The following PHACTR1 variants were observed in gnomAD, a reference collection of about 807,000 sequenced individuals.
PHACTR1 encodes the protein phosphatase and actin regulator 1.
PHACTR1 carries 16 observed loss-of-function variants against 69.2 expected under a neutral mutation model. That is an observed-to-expected ratio of 0.23 (90% CI 0.16 to 0.35). The LOEUF (loss-of-function observed/expected upper bound fraction) is 0.35, where lower values mean the gene tolerates loss of function less well. PHACTR1 is among the 10% of genes least tolerant of loss of function. The pLI is 1.00. For synonymous variants in PHACTR1, 312 were observed against 284.5 expected (o/e 1.10, Z -0.97); for missense variants, 510 against 734.7 (o/e 0.69, Z 3.54).
chr6:13,077,972 G>A (rs1269484210), intron 5 of PHACTR1, among the ~76,000 whole-genome samples: 1 of 152,098 alleles, frequency 6.6e-6, no homozygotes, highest in Non-Finnish European at 1.5e-5. Flanking sequence ...AAAAGAAGGG[G>A]AATCTGCTTA....
chr6:13,075,896 T>G (rs756805770), intron 5 of PHACTR1, among the ~76,000 whole-genome samples: 3 of 152,134 alleles, frequency 2.0e-5, no homozygotes, highest in Non-Finnish European at 4.4e-5. Flanking sequence ...TAGATCCAAG[T>G]CCAGGATAAC....
At chr6:12,992,912 G>C (rs1796981877) in intron 4 of PHACTR1, among the ~76,000 whole-genome samples, 1 of 152,182 alleles carries the variant, frequency 6.6e-6, no homozygotes, top group African/African-American at 2.4e-5. Context: ...GCGTGAAGAA[G>C]CTGGCCTCCC....
At chr6:13,086,415 G>T (rs1812312581) in intron 5 of PHACTR1, among the ~76,000 whole-genome samples, 1 of 152,012 alleles carries the variant, frequency 6.6e-6, no homozygotes, top group Non-Finnish European at 1.5e-5. Flanking sequence ...GATATATACA[G>T]ACATGTAACC....
intron 4 of PHACTR1, among the ~76,000 whole-genome samples, chr6:12,764,795 G>A (rs1768416076): frequency 6.6e-6 from 1 of 152,094 alleles, no homozygotes; most frequent in African/African-American, 2.4e-5. Flanking sequence ...CTATCATCAT[G>A]CATAGAAGGA....
chr6:13,098,459 A>C (rs1029996241), intron 5 of PHACTR1, among the ~76,000 whole-genome samples: 1 of 152,022 alleles, frequency 6.6e-6, no homozygotes, highest in Non-Finnish European at 1.5e-5. Flanking sequence ...TTCATCACAC[A>C]CTTGGCTTCA....
intron 4 of PHACTR1, among the ~76,000 whole-genome samples, chr6:12,962,599 T>C (rs931361126): frequency 1.3e-5 from 2 of 152,122 alleles, no homozygotes; most frequent in Non-Finnish European, 2.9e-5. Context: ...CTAGAGTATA[T>C]TAATCTCAAG....
intron 10 of PHACTR1, among the ~76,000 whole-genome samples, chr6:13,233,961 G>A (rs534803567): frequency 6.6e-6 from 1 of 152,238 alleles, no homozygotes; most frequent in Non-Finnish European, 1.5e-5. Flanking sequence ...AGGACAGACT[G>A]TCAGGCATGC....
chr6:13,123,348 G>C (rs919082010), intron 5 of PHACTR1, among the ~76,000 whole-genome samples: 1 of 152,192 alleles, frequency 6.6e-6, no homozygotes, highest in African/African-American at 2.4e-5. Context: ...ACAGTGAGGA[G>C]CAGAGTTAGC....
intron 4 of PHACTR1, among the ~76,000 whole-genome samples, chr6:13,024,728 C>T (rs1801447539): frequency 6.6e-6 from 1 of 152,208 alleles, no homozygotes; most frequent in Admixed American, 6.5e-5. Context: ...CGGAACACCA[C>T]TACCCAAAGT....
intron 5 of PHACTR1, among the ~76,000 whole-genome samples, chr6:13,071,091 G>A (rs911938058): frequency 3.3e-5 from 5 of 152,090 alleles, no homozygotes; most frequent in Admixed American, 2.0e-4. Flanking sequence ...AAGGCAATTT[G>A]TGAATATAAA....
rs1361092736 is a variant in PHACTR1, at chr6:12,867,226, C to T, written c.250+117436C>T. On this transcript the variant is annotated intron_variant, in intron 4 of 14. Transcript: ENST00000332995. ...GACCAAAACCCAGGTCACTTGATCCCCATCCTAGCACTCTAGCCTTCACAG... is the reference window on the plus strand; with the variant it reads ...GACCAAAACCCAGGTCACTTGATCCTCATCCTAGCACTCTAGCCTTCACAG... Among the ~76,000 whole-genome samples the T allele has an allele frequency of 3.3e-5, 5 of 152,148 alleles. No individual in the cohort carries two copies. In the East Asian group the frequency reaches 7.7e-4, roughly 23 times the overall value.
intron 5 of PHACTR1, among the ~76,000 whole-genome samples, chr6:13,127,834 A>G (rs1819778012): frequency 1.3e-5 from 2 of 152,130 alleles, no homozygotes. Context: ...TTTCAAACAT[A>G]TGCATTGTAT....
At chr6:13,285,044 G>A (rs1388932826) in intron 13 of PHACTR1, among the ~76,000 whole-genome samples, 1 of 152,174 alleles carries the variant, frequency 6.6e-6, no homozygotes. Flanking sequence ...AATACGAAGA[G>A]GAAGGGGCTT....
At chr6:13,221,331 G>A (rs1035682812) in intron 8 of PHACTR1, among the ~76,000 whole-genome samples, 3 of 151,702 alleles carry the variant, frequency 2.0e-5, no homozygotes, top group African/African-American at 7.3e-5. Context: ...TGTAGAGGGT[G>A]GAGTTGATCC....
intron 4 of PHACTR1, among the ~76,000 whole-genome samples, chr6:12,791,919 T>C (rs575687690): frequency 6.6e-6 from 1 of 151,992 alleles, no homozygotes; most frequent in South Asian, 2.1e-4. Flanking sequence ...TAATATGAGG[T>C]TGGTGTTAAG....
At chr6:13,162,138 C>T (rs1026548801) in intron 6 of PHACTR1, among the ~76,000 whole-genome samples, 23 of 151,940 alleles carry the variant, frequency 1.5e-4, no homozygotes, top group African/African-American at 3.9e-4. Context: ...CTCCCTCTGT[C>T]GCCCAGGCTG....
intron 4 of PHACTR1, among the ~76,000 whole-genome samples, chr6:12,915,556 T>C (rs1004799902): frequency 9.3e-5 from 14 of 150,090 alleles, no homozygotes; most frequent in African/African-American, 3.4e-4. Flanking sequence ...AGTGCCCTTC[T>C]TCCTGCAATG....
chr6:13,056,626 T>C (rs1486614406), intron 5 of PHACTR1, among the ~76,000 whole-genome samples: 1 of 152,212 alleles, frequency 6.6e-6, no homozygotes, highest in Non-Finnish European at 1.5e-5. Flanking sequence ...TAGGGACCAC[T>C]GCAATAGGGT....
At chr6:13,188,014 A>G (rs151211001) in intron 7 of PHACTR1, among the ~76,000 whole-genome samples, 3 of 152,340 alleles carry the variant, frequency 2.0e-5, no homozygotes, top group African/African-American at 7.2e-5. Flanking sequence ...GGTTCTTTAC[A>G]TATGAGAGAC....
Sources: allele counts gnomAD v4.1 joint callset (sites outside exome capture counted in the v4.1 genomes callset), GRCh38; gene constraint gnomAD v4.1.1; transcripts MANE v1.5; gene names NCBI Gene and HGNC (gene_info 2026-07-23, HGNC 2026-07-21).